Variants in STPG2 observed in about 807,000 individuals in gnomAD.
STPG2 encodes sperm tail PG-rich repeat containing 2.
In STPG2, 56 loss-of-function variants were observed where a neutral mutation model predicts 54.2. That is an observed-to-expected ratio of 1.03 (90% CI 0.83 to 1.29). The LOEUF (loss-of-function observed/expected upper bound fraction) is 1.29. Ranked by LOEUF, STPG2 falls within the 50% of genes most tolerant of loss-of-function variation. STPG2 has a pLI of 0.00. For missense variants in STPG2, 596 were observed against 544.9 expected, an observed-to-expected ratio of 1.09 and a Z score of -0.93; for synonymous variants, 200 against 181.8, an observed-to-expected ratio of 1.10 and a Z score of -0.81.
At chr4:97,799,964 T>A (rs1578575855) in intron 9 of STPG2, among the ~76,000 whole-genome samples, 4 of 152,370 alleles carry the variant, frequency 2.6e-5, no homozygotes, top group Admixed American at 2.6e-4. Context: ...TTCCTTCCAA[T>A]TGATCAAATC....
intron 10 of STPG2, among the ~76,000 whole-genome samples, chr4:97,560,048 C>T (rs1247218387): frequency 5.3e-5 from 8 of 152,124 alleles, no homozygotes; most frequent in Admixed American, 1.3e-4. Flanking sequence ...ACAGTGTCTG[C>T]TCTCATTGAT....
At chr4:97,737,671 A>T (rs1290646881) in intron 9 of STPG2, among the ~76,000 whole-genome samples, 1 of 152,212 alleles carries the variant, frequency 6.6e-6, no homozygotes, top group African/African-American at 2.4e-5. Flanking sequence ...AAAAAAAATA[A>T]AAAGAAACAA....
intron 9 of STPG2, among the ~76,000 whole-genome samples, chr4:97,787,812 T>G (rs1159563615): frequency 1.3e-5 from 2 of 151,906 alleles, no homozygotes; most frequent in African/African-American, 4.8e-5. Context: ...TTTTTTGAGA[T>G]AGCTCAGTAA....
At chr4:97,511,400 A>T (rs1730969463) in intron 4 of STPG2, among the ~76,000 whole-genome samples, 1 of 152,084 alleles carries the variant, frequency 6.6e-6, no homozygotes, top group South Asian at 2.1e-4. Flanking sequence ...TAATTTCAAT[A>T]AGAAAGTAAA....
chr4:97,595,479 T>C (rs1352518000), intron 10 of STPG2, among the ~76,000 whole-genome samples: 1 of 151,900 alleles, frequency 6.6e-6, no homozygotes, highest in Non-Finnish European at 1.5e-5. Context: ...GGGTTAGCAT[T>C]AGGAGATATA....
At chr4:97,499,106 C>T (rs552534360) in intron 4 of STPG2, among the ~76,000 whole-genome samples, 48 of 152,036 alleles carry the variant, frequency 3.2e-4, no homozygotes, top group Non-Finnish European at 4.7e-4. Flanking sequence ...TAACTACAAA[C>T]AACTTACGTA....
intron 4 of STPG2, among the ~76,000 whole-genome samples, chr4:98,107,629 A>G (rs566427879): frequency 6.6e-6 from 1 of 152,248 alleles, no homozygotes; most frequent in South Asian, 2.1e-4. Context: ...CACTGCTTAC[A>G]GTCCCGGGTA....
intron 2 of STPG2, among the ~76,000 whole-genome samples, chr4:98,128,984 T>G (rs1390934187): frequency 1.3e-5 from 2 of 152,184 alleles, no homozygotes; most frequent in Non-Finnish European, 2.9e-5. Context: ...TCTGCCAGCC[T>G]CGGCCTCCCA....
intron 4 of STPG2, among the ~76,000 whole-genome samples, chr4:97,494,768 A>G (rs1364246388): frequency 6.6e-6 from 1 of 151,528 alleles, no homozygotes; most frequent in Non-Finnish European, 1.5e-5. Context: ...ATGACCAGGA[A>G]GCAACCAGTG....
chr4:97,493,592 T>G (rs1163470304), intron 4 of STPG2, among the ~76,000 whole-genome samples: 1 of 151,474 alleles, frequency 6.6e-6, no homozygotes, highest in Non-Finnish European at 1.5e-5. Context: ...AGCAAAAGTG[T>G]GGCCAGGAAT....
intron 9 of STPG2, among the ~76,000 whole-genome samples, chr4:97,747,633 T>A (rs1331295662): frequency 1.3e-5 from 2 of 151,470 alleles, no homozygotes; most frequent in South Asian, 2.1e-4. Flanking sequence ...TGGGAGTATC[T>A]TTTTACTCAT....
chr4:97,760,855 CT>C (rs1725870515), intron 9 of STPG2, among the ~76,000 whole-genome samples: 1 of 152,108 alleles, frequency 6.6e-6, no homozygotes, highest in Non-Finnish European at 1.5e-5. Flanking sequence ...GACTGCAAGG[CT>C]GCATTTCTTT....
chr4:98,083,105 A>C (rs1578839903), intron 5 of STPG2, among the ~76,000 whole-genome samples: 2 of 152,134 alleles, frequency 1.3e-5, no homozygotes, highest in East Asian at 3.9e-4. Context: ...TCCCAATATC[A>C]TCCTGTACCA....
chr4:97,934,768 T>C (rs574245998), intron 8 of STPG2, among the ~76,000 whole-genome samples: 1 of 152,302 alleles, frequency 6.6e-6, no homozygotes, highest in South Asian at 2.1e-4. Flanking sequence ...CAATATTTTA[T>C]TGAGGATTTT....
chr4:97,536,442 T>C (rs1731533353), intron 4 of STPG2, among the ~76,000 whole-genome samples: 1 of 152,188 alleles, frequency 6.6e-6, no homozygotes, highest in African/African-American at 2.4e-5. Context: ...TCCTGATGCC[T>C]TGTGAAGAAG....
chr4:97,565,950 A>C (rs953598795), intron 10 of STPG2, among the ~76,000 whole-genome samples: 1 of 152,174 alleles, frequency 6.6e-6, no homozygotes, highest in Non-Finnish European at 1.5e-5. Flanking sequence ...TGGGAGAACC[A>C]CTGCTCTCTT....
chr4:97,660,958 A>G (rs530398694), intron 10 of STPG2, among the ~76,000 whole-genome samples: 1 of 152,302 alleles, frequency 6.6e-6, no homozygotes, highest in African/African-American at 2.4e-5. Context: ...CAGTCCTAGC[A>G]TGAATGAGCA....
At chr4:97,530,582 A>T (rs1465250765) in intron 4 of STPG2, among the ~76,000 whole-genome samples, 1 of 152,202 alleles carries the variant, frequency 6.6e-6, no homozygotes, top group African/African-American at 2.4e-5. Context: ...AATATTTTTT[A>T]AAAATCAAAG....
chr4:98,105,456 A>G (rs750623159), intron 5 of STPG2, among the ~76,000 whole-genome samples: 63 of 152,128 alleles, frequency 4.1e-4, no homozygotes, highest in Non-Finnish European at 7.5e-4. Context: ...CAGAGCTCCA[A>G]GAATTTGTGT....
Sources: allele counts gnomAD v4.1 joint callset (sites outside exome capture counted in the v4.1 genomes callset), GRCh38; gene constraint gnomAD v4.1.1; transcripts MANE v1.5; gene names NCBI Gene and HGNC (gene_info 2026-07-23, HGNC 2026-07-21).